The following HIVEP3 variants were observed in gnomAD, a reference collection of about 807,000 sequenced individuals.
HIVEP3 encodes the protein HIVEP zinc finger 3.
In HIVEP3, 49 loss-of-function variants were observed where a neutral mutation model predicts 152.8. That is an observed-to-expected ratio of 0.32 (90% CI 0.26 to 0.41). The LOEUF (loss-of-function observed/expected upper bound fraction) is 0.41, where lower values mean the gene tolerates loss of function less well. Ranked by LOEUF, HIVEP3 falls within the 10% of genes least tolerant of loss-of-function variation. The pLI is 1.00. For missense variants in HIVEP3, 2,790 were observed against 3,103.3 expected, an observed-to-expected ratio of 0.90 and a Z score of 2.40; for synonymous variants, 1,269 against 1,289.0, an observed-to-expected ratio of 0.98 and a Z score of 0.33.
intron 1 of HIVEP3, among the ~76,000 whole-genome samples, chr1:41,834,405 A>G (rs1452459164): frequency 2.0e-5 from 3 of 152,306 alleles, no homozygotes; most frequent in Non-Finnish European, 4.4e-5. Context: ...TATGAAATAC[A>G]GGGGTCACAG....
At chr1:41,877,449 T>C (rs1416299914) in intron 1 of HIVEP3, among the ~76,000 whole-genome samples, 1 of 152,194 alleles carries the variant, frequency 6.6e-6, no homozygotes, top group Non-Finnish European at 1.5e-5. Context: ...CTATTTCCCT[T>C]CAATAGAAGG....
chr1:42,020,380 A>T (rs896939668), intron 1 of HIVEP3, among the ~76,000 whole-genome samples: 21 of 151,436 alleles, frequency 1.4e-4, no homozygotes, highest in Non-Finnish European at 2.7e-4. Flanking sequence ...AATGAATTAA[A>T]CTCTTTACTA....
chr1:41,806,413 A>G (rs1650613350), intron 1 of HIVEP3, among the ~76,000 whole-genome samples: 1 of 152,198 alleles, frequency 6.6e-6, no homozygotes, highest in African/African-American at 2.4e-5. Flanking sequence ...ACAGTGGTTG[A>G]CAGATTGAAG....
intron 1 of HIVEP3, among the ~76,000 whole-genome samples, chr1:41,848,623 A>T (rs1334450628): frequency 6.6e-6 from 1 of 152,164 alleles, no homozygotes; most frequent in Non-Finnish European, 1.5e-5. Context: ...AGGAAGAAGG[A>T]GGGACCCAGG....
At chr1:41,879,650 G>C (rs1183419147) in intron 1 of HIVEP3, among the ~76,000 whole-genome samples, 1 of 152,092 alleles carries the variant, frequency 6.6e-6, no homozygotes, top group Non-Finnish European at 1.5e-5. Flanking sequence ...CTGCTTCTCT[G>C]TCTCCTCAGT....
intron 1 of HIVEP3, among the ~76,000 whole-genome samples, chr1:42,008,317 G>A (rs1645472684): frequency 1.3e-5 from 2 of 152,250 alleles, no homozygotes; most frequent in Middle Eastern, 3.4e-3. Flanking sequence ...TGTTTCCTTT[G>A]TATGTGGATT....
At chr1:41,720,839 C>T (rs1646663354) in intron 1 of HIVEP3, among the ~76,000 whole-genome samples, 1 of 152,198 alleles carries the variant, frequency 6.6e-6, no homozygotes, top group Non-Finnish European at 1.5e-5. Flanking sequence ...ATGTGGTACA[C>T]ACATACAGTT....
At chr1:42,000,357 C>G (rs1355438575) in intron 1 of HIVEP3, among the ~76,000 whole-genome samples, 5 of 152,198 alleles carry the variant, frequency 3.3e-5, no homozygotes, top group Admixed American at 2.0e-4. Flanking sequence ...AATTGCCCTT[C>G]CCTAAACCAG....
intron 3 of HIVEP3, among the ~76,000 whole-genome samples, chr1:41,611,969 T>C (rs568136361): frequency 6.6e-6 from 1 of 152,282 alleles, no homozygotes; most frequent in South Asian, 2.1e-4. Context: ...CTCGCCCTTC[T>C]TGATGGCCCA....
intron 5 of HIVEP3, among the ~76,000 whole-genome samples, chr1:41,569,776 A>G (rs1644225070): frequency 6.6e-6 from 1 of 152,254 alleles, no homozygotes; most frequent in African/African-American, 2.4e-5. Flanking sequence ...CACTGTCACA[A>G]AAACGTGCTG....
chr1:41,931,716 G>C (rs951851783), intron 1 of HIVEP3, among the ~76,000 whole-genome samples: 1 of 151,808 alleles, frequency 6.6e-6, no homozygotes, highest in African/African-American at 2.4e-5. Flanking sequence ...AGAATTTGTG[G>C]GTTTCGGTGC....
intron 1 of HIVEP3, among the ~76,000 whole-genome samples, chr1:41,832,030 C>T (rs533156562): frequency 4.1e-4 from 62 of 152,302 alleles, no homozygotes; most frequent in Non-Finnish European, 7.1e-4. Flanking sequence ...AGAGCTGTCT[C>T]AATTTTCTTA....
At chr1:41,977,543 CTGAT>C (rs1415548924) in intron 1 of HIVEP3, among the ~76,000 whole-genome samples, 1 of 152,206 alleles carries the variant, frequency 6.6e-6, no homozygotes, top group Non-Finnish European at 1.5e-5. Flanking sequence ...AGCTCCCAGA[CTGAT>C]TGATGATTAA....
intron 1 of HIVEP3, among the ~76,000 whole-genome samples, chr1:41,888,876 T>C (rs138419712): frequency 1.8e-3 from 202 of 114,594 alleles, no homozygotes; most frequent in South Asian, 3.4e-3. Flanking sequence ...ACACACCACA[T>C]ACCTCACACA....
At chr1:41,542,943 A>G (rs1279797773) in intron 5 of HIVEP3, 5 of 152,228 alleles carry the variant, frequency 3.3e-5, no homozygotes, top group Non-Finnish European at 5.9e-5. Context: ...TTAGGTTTCT[A>G]TCGGGATAAC....
At chr1:41,515,760 C>T (rs1642586948) in intron 7 of HIVEP3, among the ~76,000 whole-genome samples, 1 of 152,176 alleles carries the variant, frequency 6.6e-6, no homozygotes, top group South Asian at 2.1e-4. Context: ...TGTCTGGTTT[C>T]CTCATCTGTA....
intron 2 of HIVEP3, among the ~76,000 whole-genome samples, chr1:41,680,838 G>T (rs1291802479): frequency 2.0e-5 from 3 of 152,128 alleles, no homozygotes; most frequent in Non-Finnish European, 4.4e-5. Context: ...AAATAAAACG[G>T]TATATGGCAT....
intron 7 of HIVEP3, among the ~76,000 whole-genome samples, chr1:41,514,060 T>C (rs1396960985): frequency 6.6e-6 from 1 of 152,216 alleles, no homozygotes. Flanking sequence ...ATGTTACAGA[T>C]GAGGAAACTG....
intron 3 of HIVEP3, among the ~76,000 whole-genome samples, chr1:41,611,706 G>T (rs1436556214): frequency 6.6e-6 from 1 of 152,252 alleles, no homozygotes; most frequent in African/African-American, 2.4e-5. Context: ...CAGGCCTGGG[G>T]ATCTAGAGAC....
Sources: allele counts gnomAD v4.1 joint callset (sites outside exome capture counted in the v4.1 genomes callset), GRCh38; gene constraint gnomAD v4.1.1; transcripts MANE v1.5; gene names NCBI Gene and HGNC (gene_info 2026-07-23, HGNC 2026-07-21).